Variants in GRB10 observed in about 807,000 individuals in gnomAD.
GRB10 encodes the protein growth factor receptor bound protein 10.
A neutral mutation model predicts 80.9 loss-of-function variants in GRB10; 20 were observed. That is an observed-to-expected ratio of 0.25 (90% confidence interval 0.17 to 0.36). The LOEUF is 0.36. Among genes scored for constraint, GRB10 ranks in the 10% least tolerant of loss-of-function variants. GRB10 has a pLI of 1.00. For missense variants in GRB10, 548 were observed against 747.7 expected (o/e 0.73, Z 3.12); for synonymous variants, 291 against 291.5 (o/e 1.00, Z 0.02).
chr7:50,675,754 A>T (rs2060859400), intron 5 of GRB10, among the ~76,000 whole-genome samples: 2 of 148,596 alleles, frequency 1.3e-5, no homozygotes, highest in Admixed American at 1.3e-4. Context: ...AGCCTATTTA[A>T]TGGGTCTGTT....
chr7:50,656,372 G>A (rs142871629), intron 7 of GRB10, among the ~76,000 whole-genome samples: 1 of 152,316 alleles, frequency 6.6e-6, no homozygotes, highest in African/African-American at 2.4e-5. Context: ...AAAAAGACAG[G>A]ATGTGTAACT....
intron 13 of GRB10, among the ~76,000 whole-genome samples, chr7:50,607,731 C>T (rs1165738636): frequency 6.6e-6 from 1 of 152,218 alleles, no homozygotes; most frequent in Non-Finnish European, 1.5e-5. Context: ...CAGTGCCCTC[C>T]CTAGCTGAGG....
intron 2 of GRB10, among the ~76,000 whole-genome samples, chr7:50,778,830 A>G (rs1249075524): frequency 2.6e-5 from 4 of 152,244 alleles, no homozygotes; most frequent in African/African-American, 9.6e-5. Flanking sequence ...ACAAGCTCAA[A>G]GCAGATACAA....
intron 5 of GRB10, among the ~76,000 whole-genome samples, chr7:50,682,324 T>C (rs893730174): frequency 6.6e-6 from 1 of 152,248 alleles, no homozygotes; most frequent in African/African-American, 2.4e-5. Flanking sequence ...GGTAGATTGC[T>C]AGGCTCTGCT....
chr7:50,682,225 A>T (rs773786230), intron 5 of GRB10, among the ~76,000 whole-genome samples: 3 of 152,228 alleles, frequency 2.0e-5, no homozygotes, highest in Non-Finnish European at 4.4e-5. Flanking sequence ...CAATTTTAGG[A>T]GCCCCTGACC....
At chr7:50,741,004 C>T (rs997152100) in intron 3 of GRB10, among the ~76,000 whole-genome samples, 4 of 152,224 alleles carry the variant, frequency 2.6e-5, no homozygotes, top group African/African-American at 9.6e-5. Flanking sequence ...TACTAAAAAG[C>T]ATTGATAAAA....
intron 7 of GRB10, among the ~76,000 whole-genome samples, chr7:50,639,054 A>G (rs2055624576): frequency 6.6e-6 from 1 of 152,238 alleles, no homozygotes. Flanking sequence ...ACATAAACAT[A>G]AAGATGGAAT....
intron 7 of GRB10, among the ~76,000 whole-genome samples, chr7:50,636,568 T>C (rs983337487): frequency 1.4e-4 from 22 of 152,134 alleles, no homozygotes; most frequent in African/African-American, 5.3e-4. Flanking sequence ...GATGCAAGGA[T>C]AGTTTGACAT....
At chr7:50,766,638 A>G (rs1475631065) in intron 2 of GRB10, among the ~76,000 whole-genome samples, 2 of 152,140 alleles carry the variant, frequency 1.3e-5, no homozygotes, top group Non-Finnish European at 2.9e-5. Context: ...ACAGTTGATA[A>G]AGATCTCTCC....
chr7:50,638,074 C>T (rs1451493857), intron 7 of GRB10, among the ~76,000 whole-genome samples: 5 of 152,082 alleles, frequency 3.3e-5, no homozygotes, highest in Non-Finnish European at 7.4e-5. Flanking sequence ...AACCTGGACC[C>T]TTGTCTGAAT....
At position 50,690,750 on chromosome 7, in the gene GRB10, GAA is replaced by G. The variant is rs769844494; in HGVS notation, c.139+13069_139+13070del. 2.0e-5 allele frequency among the ~76,000 whole-genome samples: 3 copies of G among 152,266 alleles called. No individual in the cohort carries two copies. In the East Asian group the frequency reaches 5.8e-4, roughly 29 times the overall value. On this transcript the variant is annotated intron_variant, in intron 5 of 18. Transcript: ENST00000401949. ...GAAAAGCAAACACACCAGGGGAACA[GAA>G]AGAGTTGCTGGGATAAAGCCCTCTA... is the stretch of plus-strand genomic sequence containing the variant.
intron 17 of GRB10, among the ~76,000 whole-genome samples, chr7:50,599,661 C>T (rs2047265757): frequency 6.6e-6 from 1 of 152,186 alleles, no homozygotes; most frequent in African/African-American, 2.4e-5. Context: ...CGGCACCAGC[C>T]GGGCTGATTT....
intron 5 of GRB10, among the ~76,000 whole-genome samples, chr7:50,684,434 A>G (rs1021700526): frequency 6.6e-6 from 1 of 152,138 alleles, no homozygotes; most frequent in South Asian, 2.1e-4. Flanking sequence ...CCTGGCATCC[A>G]ATGTTCAGTG....
intron 2 of GRB10, among the ~76,000 whole-genome samples, chr7:50,766,913 A>C (rs2076397373): frequency 6.6e-6 from 1 of 152,348 alleles, no homozygotes; most frequent in South Asian, 2.1e-4. Flanking sequence ...CTCAACTCAG[A>C]AAATCAAGAA....
intron 3 of GRB10, among the ~76,000 whole-genome samples, chr7:50,751,009 C>T (rs1438895542): frequency 1.3e-5 from 2 of 152,158 alleles, no homozygotes; most frequent in Non-Finnish European, 2.9e-5. Flanking sequence ...TTGCTTGGCC[C>T]CCAAGCCTGC....
At position 50,688,578 on chromosome 7, in the gene GRB10, T is replaced by C. The variant is rs548462740; in HGVS notation, c.140-13920A>G. On this transcript the variant is annotated intron_variant, in intron 5 of 18. Transcript: ENST00000401949. ...CGGTTCCAGAAAGGTAAGCTGTCTATGCAGCTGGCCCAGGTGATGTGTGTA... is the reference window on the plus strand; with the variant it reads ...CGGTTCCAGAAAGGTAAGCTGTCTACGCAGCTGGCCCAGGTGATGTGTGTA... Among the ~76,000 whole-genome samples the C allele has an allele frequency of 3.3e-5, 5 of 152,186 alleles. No homozygotes were observed. The South Asian group carries it at 6.2e-4, about 19-fold the overall frequency.
In GRB10 at chr7:50,679,062, T is replaced by C. The variant is rs2061279033; in HGVS notation, c.140-4404A>G. On this transcript the variant is annotated intron_variant, in intron 5 of 18. Coordinates refer to ENST00000401949, the MANE Select transcript of GRB10 (RefSeq NM_001350814.2). The stretch of plus-strand genomic sequence containing the variant: ...CACTTCAGACGGATTTATAAGAATG[T>C]ATTTTCTGCACAAATATAGGTCAAA... 5.9e-5 allele frequency among the ~76,000 whole-genome samples: 9 copies of C among 152,228 alleles called. 1 individual carries two copies. The highest frequency in any genetic ancestry group is 5.9e-4 in the Admixed American group (9 of 15,284).
intron 3 of GRB10, among the ~76,000 whole-genome samples, chr7:50,753,335 C>T (rs2074475278): frequency 6.6e-6 from 1 of 152,210 alleles, no homozygotes; most frequent in Non-Finnish European, 1.5e-5. Flanking sequence ...TATCTTTCTA[C>T]CAAAAATACA....
chr7:50,658,101 C>G (rs1196937966), intron 7 of GRB10, among the ~76,000 whole-genome samples: 1 of 152,216 alleles, frequency 6.6e-6, no homozygotes, highest in East Asian at 1.9e-4. Flanking sequence ...CTCTAGAACA[C>G]TTTATCCTAA....
Sources: gnomAD v4.1 joint callset for allele counts (sites outside exome capture counted in the v4.1 genomes callset) on GRCh38, gnomAD v4.1.1 for gene constraint, MANE v1.5 for transcripts, NCBI Gene and HGNC (gene_info 2026-07-23, HGNC 2026-07-21) for gene names.